NAALADL2: variants seen among roughly 807,000 people sequenced by gnomAD.
NAALADL2 encodes the protein N-acetylated alpha-linked acidic dipeptidase like 2.
In NAALADL2, 76 loss-of-function variants were observed where a neutral mutation model predicts 87.2. The observed-to-expected ratio is 0.87, with a 90% confidence interval of 0.72 to 1.05. The LOEUF (loss-of-function observed/expected upper bound fraction) is 1.05, where lower values mean the gene tolerates loss of function less well. NAALADL2 is among the 50% of genes least tolerant of loss of function. NAALADL2 has a pLI of 0.00. For missense variants in NAALADL2, 1,089 were observed against 945.8 expected (o/e 1.15, Z -1.99); for synonymous variants, 354 against 331.0 (o/e 1.07, Z -0.75).
intron 2 of NAALADL2, among the ~76,000 whole-genome samples, chr3:175,184,250 C>A (rs112583439): frequency 4.6e-4 from 70 of 152,104 alleles, no homozygotes; most frequent in African/African-American, 1.6e-3. Flanking sequence ...TTGATTAATT[C>A]TCCTTTAGAG....
intron 2 of NAALADL2, among the ~76,000 whole-genome samples, chr3:174,649,244 T>A (rs1724115627): frequency 6.6e-6 from 1 of 152,158 alleles, no homozygotes; most frequent in Non-Finnish European, 1.5e-5. Flanking sequence ...ATTACAGGCA[T>A]GAGCCACCAA....
At chr3:174,959,763 T>G (rs777345064) in intron 1 of NAALADL2, among the ~76,000 whole-genome samples, 46 of 152,088 alleles carry the variant, frequency 3.0e-4, no homozygotes, top group Non-Finnish European at 6.0e-4. Flanking sequence ...TTTATCCAAG[T>G]GACTTAACTG....
intron 13 of NAALADL2, among the ~76,000 whole-genome samples, chr3:175,780,256 A>C (rs1397511127): frequency 6.6e-6 from 1 of 151,686 alleles, no homozygotes; most frequent in East Asian, 1.9e-4. Context: ...AGCCTGGGTG[A>C]CAGAGCGAGA....
At chr3:174,659,576 T>C (rs1423790712) in intron 2 of NAALADL2, among the ~76,000 whole-genome samples, 8 of 152,208 alleles carry the variant, frequency 5.3e-5, no homozygotes, top group African/African-American at 1.9e-4. Context: ...CTCTCTGCCC[T>C]GCTGTAATCC....
At chr3:174,713,042 G>A (rs1730827122) in intron 2 of NAALADL2, among the ~76,000 whole-genome samples, 1 of 151,906 alleles carries the variant, frequency 6.6e-6, no homozygotes, top group Non-Finnish European at 1.5e-5. Context: ...CTATGAGTGA[G>A]AACATGCGGT....
At chr3:175,323,052 G>A (rs1184687731) in intron 4 of NAALADL2, among the ~76,000 whole-genome samples, 318 of 148,052 alleles carry the variant, frequency 2.1e-3, no homozygotes, top group African/African-American at 6.5e-3. Context: ...TGTTTATTGC[G>A]GCACTATTCA....
intron 3 of NAALADL2, among the ~76,000 whole-genome samples, chr3:174,794,200 T>A (rs191770018): frequency 5.3e-5 from 8 of 152,104 alleles, no homozygotes; most frequent in Admixed American, 5.2e-4. Flanking sequence ...TAATAACAGG[T>A]TCGATTCAGA....
At chr3:175,267,570 A>G (rs908211706) in intron 4 of NAALADL2, among the ~76,000 whole-genome samples, 1 of 152,152 alleles carries the variant, frequency 6.6e-6, no homozygotes, top group African/African-American at 2.4e-5. Flanking sequence ...AAGACAGTTT[A>G]TATCAGGATA....
chr3:174,961,834 G>A (rs192744142), intron 1 of NAALADL2, among the ~76,000 whole-genome samples: 135 of 152,046 alleles, frequency 8.9e-4, no homozygotes, highest in South Asian at 6.9e-3. Context: ...GACAGACATG[G>A]TTCTACATGT....
At chr3:175,184,057 T>C (rs1436323565) in intron 2 of NAALADL2, among the ~76,000 whole-genome samples, 1 of 152,094 alleles carries the variant, frequency 6.6e-6, no homozygotes, top group African/African-American at 2.4e-5. Context: ...TTTTCTACCA[T>C]GTTACTCTTC....
At chr3:175,018,608 AC>A (rs2108851025) in intron 1 of NAALADL2, among the ~76,000 whole-genome samples, 1 of 152,186 alleles carries the variant, frequency 6.6e-6, no homozygotes, top group Admixed American at 6.6e-5. Context: ...CTCACCGCAT[AC>A]ACATCTACCA....
chr3:174,769,985 A>AT (rs1041229466), intron 3 of NAALADL2, among the ~76,000 whole-genome samples: 10 of 77,804 alleles, frequency 1.3e-4, no homozygotes, highest in South Asian at 3.9e-4. Flanking sequence ...TACAATATAT[A>AT]ATATTAGATG....
chr3:175,784,296 A>G (rs1344135876), intron 13 of NAALADL2, among the ~76,000 whole-genome samples: 1 of 151,982 alleles, frequency 6.6e-6, no homozygotes. Context: ...TCCTCCTTGT[A>G]CCTCTGATAG....
chr3:175,363,913 TTTCCTAG>T (rs1311692654), intron 5 of NAALADL2, among the ~76,000 whole-genome samples: 1 of 148,090 alleles, frequency 6.8e-6, no homozygotes, highest in Non-Finnish European at 1.5e-5. Context: ...TAGAAATTAG[TTTCCTAG>T]TTCAGAAGCT....
intron 5 of NAALADL2, among the ~76,000 whole-genome samples, chr3:175,325,983 C>T (rs1414519167): frequency 6.6e-6 from 1 of 152,074 alleles, no homozygotes; most frequent in East Asian, 1.9e-4. Flanking sequence ...TGCAATTTTC[C>T]AAATTTTTCT....
At chr3:175,152,048 G>C (rs746942514) in intron 2 of NAALADL2, among the ~76,000 whole-genome samples, 1 of 152,102 alleles carries the variant, frequency 6.6e-6, no homozygotes, top group Non-Finnish European at 1.5e-5. Flanking sequence ...TTTAATAGCT[G>C]TTATCAACTG....
rs558247138 is a variant in NAALADL2, at chr3:175,132,923, T to G, written c.545+35632T>G. 2.5e-4 allele frequency among the ~76,000 whole-genome samples: 37 copies of G among 148,686 alleles called. No individual in the cohort carries two copies. The South Asian group carries it at 7.9e-3, about 32-fold the overall frequency. Reference sequence around the variant, plus strand: ...GCCGGGCGGAGGGACTCCTCACTTCTCAGACGGGGCGGTTGCCAGACAGAG... The same window carrying G: ...GCCGGGCGGAGGGACTCCTCACTTCGCAGACGGGGCGGTTGCCAGACAGAG... On this transcript the variant is annotated intron_variant, in intron 2 of 13. Coordinates refer to ENST00000454872, the MANE Select transcript of NAALADL2 (RefSeq NM_207015.3).
rs1576882621 is a variant in NAALADL2 at position 175,804,532 on chromosome 3, G to C, written c.*1329G>C. 2.0e-5 allele frequency: 3 copies of C among 151,798 alleles called. No individual in the cohort carries two copies. Among genetic ancestry groups the C allele is most frequent in the Admixed American group, 2.0e-4 (3 of 15,192 alleles). 9.4% of individuals were successfully genotyped at this position (151,798 alleles called of 1,614,324 possible). ...ATCTTTAGAAATTTATGTGAAAAAT[G>C]GTTTTCCTATACTGGATAAAGCAAT... On this transcript the variant is annotated 3_prime_UTR_variant, in exon 14 of 14. Coordinates refer to ENST00000454872, the MANE Select transcript of NAALADL2 (RefSeq NM_207015.3).
At chr3:174,506,351 T>G (rs562041974) in intron 1 of NAALADL2, among the ~76,000 whole-genome samples, 25 of 152,124 alleles carry the variant, frequency 1.6e-4, no homozygotes, top group African/African-American at 5.8e-4. Flanking sequence ...CGCCTAATTT[T>G]TGTATTTTTA....
Sources: gnomAD v4.1 joint callset for allele counts (sites outside exome capture counted in the v4.1 genomes callset) on GRCh38, gnomAD v4.1.1 for gene constraint, MANE v1.5 for transcripts, NCBI Gene and HGNC (gene_info 2026-07-23, HGNC 2026-07-21) for gene names.